The following DCC variants were observed in gnomAD, a reference collection of about 807,000 sequenced individuals.
The protein encoded by DCC is netrin receptor DCC.
In DCC, 58 loss-of-function variants were observed where a neutral mutation model predicts 172.5. The ratio of observed to expected loss-of-function variants is 0.34; its 90% CI spans 0.27 to 0.42. DCC has a LOEUF of 0.42. DCC is among the 10% of genes least tolerant of loss of function. The pLI is 1.00. For missense variants in DCC, 1,740 were observed against 1,791.0 expected (o/e 0.97, Z 0.51); for synonymous variants, 709 against 644.5 (o/e 1.10, Z -1.52).
At chr18:52,518,173 A>G (rs1449321101) in intron 1 of DCC, among the ~76,000 whole-genome samples, 1 of 152,206 alleles carries the variant, frequency 6.6e-6, no homozygotes, top group African/African-American at 2.4e-5. Flanking sequence ...AGTAATACAA[A>G]TAATTCCTGA....
At chr18:53,003,278 G>A (rs1292270256) in intron 5 of DCC, among the ~76,000 whole-genome samples, 2 of 152,192 alleles carry the variant, frequency 1.3e-5, no homozygotes, top group Non-Finnish European at 2.9e-5. Flanking sequence ...GATTATTGAA[G>A]GCAAATCATT....
At chr18:52,942,515 AG>A (rs2040479752) in intron 5 of DCC, among the ~76,000 whole-genome samples, 1 of 152,172 alleles carries the variant, frequency 6.6e-6, no homozygotes, top group South Asian at 2.1e-4. Flanking sequence ...GGAAAGAAAA[AG>A]AGGTTTAATT....
chr18:52,730,726 G>T (rs1296402644), intron 1 of DCC, among the ~76,000 whole-genome samples: 2 of 152,156 alleles, frequency 1.3e-5, no homozygotes, highest in Non-Finnish European at 2.9e-5. Flanking sequence ...AGACCTGGAA[G>T]ACAAACTGGA....
chr18:53,425,403 G>A lies in DCC; in HGVS notation c.3163+9247G>A, dbSNP rs182393165. Among the ~76,000 whole-genome samples the A allele has an allele frequency of 6.7e-3, 837 of 125,274 alleles. 11 individuals are homozygous for A. Among genetic ancestry groups the A allele is most frequent in the Admixed American group, 0.027 (277 of 10,158 alleles). 82.2% of individuals were successfully genotyped at this position (125,274 alleles called of 152,430 possible). The stretch of plus-strand genomic sequence containing the variant: ...GAGACAGAGTCTCACTCTCTCACCC[G>A]GGCTGGAGTGCAGTGGCATGATCTT... On this transcript the variant is annotated intron_variant, in intron 21 of 28. Transcript: ENST00000442544.
At chr18:52,779,589 T>C (rs2037495937) in intron 2 of DCC, among the ~76,000 whole-genome samples, 1 of 152,232 alleles carries the variant, frequency 6.6e-6, no homozygotes, top group South Asian at 2.1e-4. Context: ...GTCTTTGCTA[T>C]TGTGAATGGT....
chr18:52,494,330 C>T (rs2144611276), intron 1 of DCC, among the ~76,000 whole-genome samples: 1 of 149,058 alleles, frequency 6.7e-6, no homozygotes, highest in East Asian at 2.0e-4. Context: ...TGGTGTTTAT[C>T]TTGCCTGGAG....
chr18:52,404,246 C>T (rs912271952), intron 1 of DCC, among the ~76,000 whole-genome samples: 2 of 151,964 alleles, frequency 1.3e-5, no homozygotes, highest in African/African-American at 4.8e-5. Context: ...TAATGTAGAG[C>T]TTTAATGAAT....
At chr18:53,157,604 A>G (rs1244159071) in intron 8 of DCC, 92 bp downstream of exon 8, 3 of 1,333,502 alleles carry the variant, frequency 2.2e-6, no homozygotes, top group Non-Finnish European at 3.2e-6. Context: ...TTGGGCAGGA[A>G]CTTTGGAGAG....
chr18:53,397,541 T>C, intron 18 of DCC, 95 bp downstream of exon 18: 2 of 1,289,772 alleles, frequency 1.6e-6, no homozygotes, highest in South Asian at 1.2e-5. Flanking sequence ...GTCTCAATTA[T>C]ACCTTATCCT....
intron 2 of DCC, among the ~76,000 whole-genome samples, chr18:52,800,806 G>T (rs2145226255): frequency 6.6e-6 from 1 of 152,204 alleles, no homozygotes; most frequent in South Asian, 2.1e-4. Flanking sequence ...AGTTATTGTT[G>T]CACAGCAAAC....
chr18:52,962,024 A>G (rs1415999989), intron 5 of DCC, among the ~76,000 whole-genome samples: 2 of 152,084 alleles, frequency 1.3e-5, no homozygotes, highest in East Asian at 1.9e-4. Context: ...ACCCTAGGCA[A>G]TACCATTCAG....
chr18:53,392,910 G>A (rs1908655849), intron 17 of DCC, among the ~76,000 whole-genome samples: 1 of 152,196 alleles, frequency 6.6e-6, no homozygotes, highest in South Asian at 2.1e-4. Flanking sequence ...CTGATTGGGA[G>A]TGAAGAAGTC....
intron 27 of DCC, among the ~76,000 whole-genome samples, chr18:53,501,643 C>T (rs2046100499): frequency 6.6e-6 from 1 of 152,148 alleles, no homozygotes; most frequent in African/African-American, 2.4e-5. Context: ...GCAGTTTATG[C>T]TGTTAATGTT....
At chr18:52,513,600 A>G (rs75452468) in intron 1 of DCC, among the ~76,000 whole-genome samples, 1 of 152,312 alleles carries the variant, frequency 6.6e-6, no homozygotes, top group African/African-American at 2.4e-5. Flanking sequence ...TTACTTATTT[A>G]CTTTATAAAT....
chr18:53,348,980 G>A (rs765332334), intron 15 of DCC, among the ~76,000 whole-genome samples: 9 of 134,844 alleles, frequency 6.7e-5, no homozygotes, highest in Admixed American at 7.1e-5. Context: ...TTGGCTCCTT[G>A]TTACTTATGC....
intron 7 of DCC, among the ~76,000 whole-genome samples, chr18:53,089,122 G>A (rs1314836255): frequency 6.6e-6 from 1 of 152,086 alleles, no homozygotes; most frequent in Non-Finnish European, 1.5e-5. Context: ...GTCTCGCTCT[G>A]CCTCCCAGGC....
At chr18:53,525,229 C>T (rs1254529246) in intron 27 of DCC, among the ~76,000 whole-genome samples, 1 of 151,970 alleles carries the variant, frequency 6.6e-6, no homozygotes, top group African/African-American at 2.4e-5. Context: ...ACTGTGAATC[C>T]CAAATTTTCC....
rs573541100 is a variant in DCC at position 52,415,993 on chromosome 18, T to C, written c.91+75115T>C. On this transcript the variant is annotated intron_variant, in intron 1 of 28. Transcript: ENST00000442544. ...GTGTCAATTTTGGATCTTTCCTGCTTTCTCTTGTGGGCATTTAGTGCTATA... is the reference window on the plus strand; with the variant it reads ...GTGTCAATTTTGGATCTTTCCTGCTCTCTCTTGTGGGCATTTAGTGCTATA... Among the ~76,000 whole-genome samples, 172 of 152,242 alleles carry C rather than the reference T, an allele frequency of 1.1e-3. No homozygotes were observed. The Middle Eastern group carries it at 0.014, about 12-fold the overall frequency.
At chr18:52,595,272 A>T (rs2033885564) in intron 1 of DCC, among the ~76,000 whole-genome samples, 1 of 139,966 alleles carries the variant, frequency 7.1e-6, no homozygotes, top group South Asian at 2.2e-4. Flanking sequence ...CCATCCCCAA[A>T]GAAGGCTGAC....
Sources: gnomAD v4.1 joint callset for allele counts (sites outside exome capture counted in the v4.1 genomes callset) on GRCh38, gnomAD v4.1.1 for gene constraint, MANE v1.5 for transcripts, NCBI Gene and HGNC (gene_info 2026-07-23, HGNC 2026-07-21) for gene names.